The following ADGRG6 variants were observed in gnomAD, a reference collection of about 807,000 sequenced individuals.
ADGRG6 encodes the protein adhesion G protein-coupled receptor G6, also known as G-protein coupled receptor 126.
In ADGRG6, 84 loss-of-function variants were observed where a neutral mutation model predicts 142.4. The ratio of observed to expected loss-of-function variants is 0.59; its 90% CI spans 0.49 to 0.71. The LOEUF is 0.71. ADGRG6 is among the 30% of genes least tolerant of loss of function. The pLI, the probability that ADGRG6 is intolerant of heterozygous loss-of-function variation, is 0.00. For missense variants in ADGRG6, 1,367 were observed against 1,466.6 expected (o/e 0.93, Z 1.11); for synonymous variants, 521 against 520.5 (o/e 1.00, Z -0.01).
chr6:142,347,625 G>A (rs1323304582), intron 2 of ADGRG6, among the ~76,000 whole-genome samples: 1 of 152,046 alleles, frequency 6.6e-6, no homozygotes, highest in African/African-American at 2.4e-5. Flanking sequence ...CAGTACTTGG[G>A]TGGATATTAC....
chr6:142,307,418 T>C (rs921447645), intron 1 of ADGRG6, among the ~76,000 whole-genome samples: 1 of 152,068 alleles, frequency 6.6e-6, no homozygotes, highest in African/African-American at 2.4e-5. Flanking sequence ...GAATATGTAA[T>C]TGTGCTTTTG....
At chr6:142,423,346 G>A (rs1459365609) in intron 22 of ADGRG6, among the ~76,000 whole-genome samples, 3 of 151,042 alleles carry the variant, frequency 2.0e-5, no homozygotes, top group Non-Finnish European at 4.4e-5. Flanking sequence ...TTTTGTATAA[G>A]GTGTAAGGAA....
intron 2 of ADGRG6, among the ~76,000 whole-genome samples, chr6:142,327,967 T>A (rs940518607): frequency 6.6e-6 from 1 of 152,128 alleles, no homozygotes; most frequent in Admixed American, 6.5e-5. Flanking sequence ...AATTTCTCCC[T>A]CCTTCCCAAA....
chr6:142,302,037 C>G lies in ADGRG6; in HGVS notation c.-293C>G, dbSNP rs1582942996. On this transcript the variant is annotated 5_prime_UTR_variant, in exon 1 of 25. Transcript: ENST00000367609. Reference sequence around the variant, plus strand: ...CTCCTCAGCACCAGCCCCACGCACACCCTACTTCCTCAGCTTCTCGCCCTC... The same window carrying G: ...CTCCTCAGCACCAGCCCCACGCACAGCCTACTTCCTCAGCTTCTCGCCCTC... 1 of 516,152 alleles carries G rather than the reference C, an allele frequency of 1.9e-6. No homozygotes were observed. The highest frequency in any genetic ancestry group is 3.2e-5 in the East Asian group (1 of 31,306). The allele number at this position is 516,152 out of a possible 1,614,324, so 32.0% of individuals were successfully genotyped here. A position where few individuals can be genotyped will look rare whatever the true frequency, so the allele number is the denominator to read the frequency against.
At chr6:142,421,033 C>G (rs1006054112) in intron 22 of ADGRG6, among the ~76,000 whole-genome samples, 2 of 152,140 alleles carry the variant, frequency 1.3e-5, no homozygotes, top group East Asian at 1.9e-4. Context: ...CTGAATATAT[C>G]TGAGCTGGGG....
chr6:142,372,215 A>T (rs1781291975), intron 4 of ADGRG6, among the ~76,000 whole-genome samples: 1 of 152,216 alleles, frequency 6.6e-6, no homozygotes, highest in African/African-American at 2.4e-5. Flanking sequence ...ACTGATTCAA[A>T]CACAAAAAGT....
At chr6:142,417,406 C>A in intron 21 of ADGRG6, 37 bp downstream of exon 21, 1 of 868,378 alleles carries the variant, frequency 1.2e-6, no homozygotes, top group Non-Finnish European at 1.9e-6. Context: ...AGTAGATATC[C>A]TTTGTTTCCT....
intron 2 of ADGRG6, among the ~76,000 whole-genome samples, chr6:142,322,555 T>C (rs539503818): frequency 1.4e-4 from 22 of 152,238 alleles, no homozygotes; most frequent in Non-Finnish European, 2.8e-4. Flanking sequence ...CTGAAGGCTC[T>C]TTTCCTTGAG....
intron 4 of ADGRG6, among the ~76,000 whole-genome samples, chr6:142,377,471 C>T (rs183549218): frequency 1.4e-4 from 21 of 152,306 alleles, no homozygotes; most frequent in Admixed American, 4.6e-4. Context: ...CTCATCTGCA[C>T]GAAAGCATCT....
At chr6:142,339,417 A>G (rs2114710366) in intron 2 of ADGRG6, among the ~76,000 whole-genome samples, 1 of 152,274 alleles carries the variant, frequency 6.6e-6, no homozygotes, top group Non-Finnish European at 1.5e-5. Flanking sequence ...CATCAGGGCT[A>G]ATATCAGAGC....
In ADGRG6 at chr6:142,377,878, C is replaced by T. The variant is rs74643386; in HGVS notation, c.1070-4073C>T. On this transcript the variant is annotated intron_variant, in intron 4 of 24. Coordinates refer to ENST00000367609, the MANE Select transcript of ADGRG6 (RefSeq NM_198569.3). ...AAGTTTTCATTTATCAATTAAATTT[C>T]CTTTTAATTAAATTAGTCACTTGTA... Among the ~76,000 whole-genome samples, 1,370 of 152,124 alleles carry T rather than the reference C, an allele frequency of 9.0e-3. 22 individuals carry two copies. The highest frequency in any genetic ancestry group is 0.014 in the Non-Finnish European group (940 of 67,970).
intron 22 of ADGRG6, 130 bp downstream of exon 22, chr6:142,420,234 G>C: frequency 1.4e-6 from 1 of 712,970 alleles, no homozygotes; most frequent in Non-Finnish European, 2.4e-6. Context: ...AGTTCCATGT[G>C]CAGTGTGGTC....
chr6:142,371,001 C>T, intron 4 of ADGRG6: 2 of 530,310 alleles, frequency 3.8e-6, no homozygotes, highest in South Asian at 2.5e-5. Flanking sequence ...GATTATAAGC[C>T]ATGCATGCTC....
intron 2 of ADGRG6, among the ~76,000 whole-genome samples, chr6:142,356,009 C>G (rs1180953382): frequency 6.6e-6 from 1 of 152,182 alleles, no homozygotes; most frequent in African/African-American, 2.4e-5. Context: ...TGAGCTGTCT[C>G]TTGTACATAA....
rs1019110280 is a variant in ADGRG6, at chr6:142,438,319, T to C, written c.3529T>C (p.Ser1177Pro). ...GSNSTYLTSK[S>P]KSSSTTYFKR... is the part of the protein sequence containing the mutation. ...CAACTCAACCTATCTTACATCCAAATCTAAATCCAGCTCTACCACCTATTT... is the reference window on the plus strand; with the variant it reads ...CAACTCAACCTATCTTACATCCAAACCTAAATCCAGCTCTACCACCTATTT... The change falls in exon 24 of 25, where the codon TCT (serine) becomes CCT (proline). Residue 1177 changes from serine (S) to proline (P), a missense_variant. Ser to Pro is a moderately conservative substitution (Grantham distance 74). Around this residue, in one of 3 missense-constraint regions of ADGRG6, gnomAD observed 344 missense variants for 348.7 expected, o/e 0.99. Transcript: ENST00000367609. The C allele has an allele frequency of 9.3e-6, 15 of 1,610,272 alleles. No individual in the cohort carries two copies. Among genetic ancestry groups the C allele is most frequent in the Non-Finnish European group, 1.3e-5 (15 of 1,177,860 alleles).
chr6:142,415,617 A>G (rs1776308671), intron 19 of ADGRG6, among the ~76,000 whole-genome samples, 179 bp from the exon 20 acceptor site: 1 of 152,180 alleles, frequency 6.6e-6, no homozygotes, highest in African/African-American at 2.4e-5. Context: ...TAAAGTCTTT[A>G]TAACTTGCCA....
At chr6:142,350,070 G>A (rs912021105) in intron 2 of ADGRG6, among the ~76,000 whole-genome samples, 2 of 151,518 alleles carry the variant, frequency 1.3e-5, no homozygotes, top group African/African-American at 4.9e-5. Context: ...GATTGCATAA[G>A]CAAGGTAATT....
chr6:142,318,227 T>TTATATATTATATA (rs1278929525), intron 2 of ADGRG6, among the ~76,000 whole-genome samples: 1 of 44,480 alleles, frequency 2.2e-5, no homozygotes, highest in African/African-American at 1.2e-4. Context: ...TTATATATAT[T>TTATATATTATATA]TATATTATAT....
chr6:142,384,950 A>C lies in ADGRG6; in HGVS notation c.1222+1107A>C, dbSNP rs531334264. ...ACCAAGGAGATTTATGATGGAGCAA[A>C]AATTCCAGCAACCCCCAAGAAAGCA... On this transcript the variant is annotated intron_variant, in intron 6 of 24. Coordinates refer to ENST00000367609, the MANE Select transcript of ADGRG6 (RefSeq NM_198569.3). Among the ~76,000 whole-genome samples, 21 of 152,158 alleles carry C rather than the reference A, an allele frequency of 1.4e-4. 2 individuals are homozygous for C. In the South Asian group the frequency reaches 4.4e-3, roughly 32 times the overall value.
Sources: allele counts gnomAD v4.1 joint callset (sites outside exome capture counted in the v4.1 genomes callset), GRCh38; gene constraint gnomAD v4.1.1; regional missense constraint gnomAD v4.1.1; transcripts MANE v1.5; gene names NCBI Gene and HGNC (gene_info 2026-07-23, HGNC 2026-07-21).